The following SLC5A1 variants were observed in gnomAD, a reference collection of about 807,000 sequenced individuals.
SLC5A1 encodes the protein sodium/glucose cotransporter 1.
A neutral mutation model predicts 73.5 loss-of-function variants in SLC5A1; 42 were observed. The observed-to-expected ratio is 0.57, with a 90% confidence interval of 0.45 to 0.74. The LOEUF is 0.74. Among genes scored for constraint, SLC5A1 ranks in the 30% least tolerant of loss-of-function variants. SLC5A1 has a pLI of 0.00. For synonymous variants in SLC5A1, 300 were observed against 317.4 expected, an observed-to-expected ratio of 0.95 and a Z score of 0.58; for missense variants, 634 against 855.4, an observed-to-expected ratio of 0.74 and a Z score of 3.23.
intron 1 of SLC5A1, 41 bp from the exon 2 acceptor site, chr22:32,049,902 C>G (rs1282294216): frequency 3.9e-6 from 6 of 1,556,900 alleles, no homozygotes; most frequent in Admixed American, 1.7e-5. Context: ...CAAGGCCACT[C>G]TTCTAGTTTT....
chr22:32,071,244 G>T (rs1411484776), intron 5 of SLC5A1, among the ~76,000 whole-genome samples: 1 of 152,170 alleles, frequency 6.6e-6, no homozygotes, highest in African/African-American at 2.4e-5. Flanking sequence ...GTGAGACCAG[G>T]AGTTTAAGAT....
At chr22:32,056,674 C>T (rs1237984319) in intron 2 of SLC5A1, among the ~76,000 whole-genome samples, 1 of 152,044 alleles carries the variant, frequency 6.6e-6, no homozygotes, top group Non-Finnish European at 1.5e-5. Context: ...CTGGGATCTC[C>T]CGATATCCCT....
At chr22:32,047,437 T>G (rs959713447) in intron 1 of SLC5A1, among the ~76,000 whole-genome samples, 1 of 117,448 alleles carries the variant, frequency 8.5e-6, no homozygotes, top group Non-Finnish European at 1.8e-5. Context: ...CCTTGGTCAG[T>G]TGCTACAGAC....
chr22:32,092,426 T>G (rs2094019503), intron 11 of SLC5A1, among the ~76,000 whole-genome samples: 1 of 152,206 alleles, frequency 6.6e-6, no homozygotes, highest in South Asian at 2.1e-4. Flanking sequence ...TGCAAACATC[T>G]TTTTTGTATA....
chr22:32,094,904 G>C (rs564581716), intron 11 of SLC5A1, among the ~76,000 whole-genome samples: 1 of 151,134 alleles, frequency 6.6e-6, no homozygotes, highest in South Asian at 2.1e-4. Flanking sequence ...GTTTGTTCTT[G>C]TTCCTCTAGT....
In SLC5A1 at chr22:32,092,761, G is replaced by A. The variant is rs771507491; in HGVS notation, c.1280+999G>A. On this transcript the variant is annotated intron_variant, in intron 11 of 14. Transcript: ENST00000266088. ...TTTTCTGCCACTGTGTGGGTTGCCC[G>A]TTTACTCTGCTAACTGTTCCTTTTG... Among the ~76,000 whole-genome samples, 57 of 152,234 alleles carry A rather than the reference G, an allele frequency of 3.7e-4. 1 individual carries two copies. The highest frequency in any genetic ancestry group is 9.6e-4 in the East Asian group (5 of 5,186).
chr22:32,087,699 A>C (rs982990283), intron 10 of SLC5A1, among the ~76,000 whole-genome samples: 33 of 152,284 alleles, frequency 2.2e-4, no homozygotes, highest in African/African-American at 7.7e-4. Context: ...GGCTCAAGGG[A>C]TACAAATCTG....
chr22:32,105,879 C>A (rs2094044794), intron 14 of SLC5A1, among the ~76,000 whole-genome samples: 1 of 152,146 alleles, frequency 6.6e-6, no homozygotes, highest in South Asian at 2.1e-4. Context: ...ACATAATGAT[C>A]TCCAGTTCCA....
At chr22:32,049,147 A>C (rs1336613664) in intron 1 of SLC5A1, among the ~76,000 whole-genome samples, 1 of 137,718 alleles carries the variant, frequency 7.3e-6, no homozygotes, top group African/African-American at 2.6e-5. Flanking sequence ...TATATATATA[A>C]TCTATATTAT....
intron 5 of SLC5A1, 42 bp from the exon 6 acceptor site, chr22:32,081,821 AGCT>A (rs781600176): frequency 8.1e-7 from 1 of 1,239,620 alleles, no homozygotes; most frequent in South Asian, 1.2e-5. Context: ...CCCTGTAGGC[AGCT>A]GACCACTCTC....
chr22:32,100,988 C>T (rs989019220), intron 12 of SLC5A1, among the ~76,000 whole-genome samples: 1 of 152,092 alleles, frequency 6.6e-6, no homozygotes, highest in Non-Finnish European at 1.5e-5. Context: ...AGAAAGGGTG[C>T]ACCCACCCTG....
chr22:32,049,162 AATCTATATCTATATCTAT>A (rs35964250), intron 1 of SLC5A1, among the ~76,000 whole-genome samples: 8,024 of 128,910 alleles, frequency 0.062, 699 homozygotes, highest in African/African-American at 0.19. Context: ...TATTATATAT[AATCTATATCTATATCTAT>A]ATCTATATCT....
chr22:32,047,008 G>T (rs1263620536), intron 1 of SLC5A1, among the ~76,000 whole-genome samples: 1 of 152,164 alleles, frequency 6.6e-6, no homozygotes, highest in African/African-American at 2.4e-5. Context: ...TTAAAAATTT[G>T]TAATATGGTA....
chr22:32,090,020 T>C (rs1301120702), intron 10 of SLC5A1, among the ~76,000 whole-genome samples: 9 of 151,804 alleles, frequency 5.9e-5, no homozygotes, highest in African/African-American at 2.2e-4. Flanking sequence ...AAGGTATCCC[T>C]GTTTAACACA....
Position 32,102,167 on chromosome 22 carries a change from T to G in SLC5A1, c.1595T>G (p.Ile532Ser), listed in dbSNP as rs1412953433. 6.2e-7 allele frequency: 1 copy of G among 1,614,114 alleles called. No individual in the cohort carries two copies. The highest frequency in any genetic ancestry group is 1.1e-5 in the South Asian group (1 of 91,076). The change falls in exon 13 of 15, where the codon ATC becomes AGC. Residue 532 changes from isoleucine (I) to serine (S), a missense_variant. Ile to Ser is a moderately radical substitution (Grantham distance 142). Around this residue, in one of 3 missense-constraint regions of SLC5A1, gnomAD observed 161 missense variants for 178.7 expected, o/e 0.90. Coordinates refer to ENST00000266088, the MANE Select transcript of SLC5A1 (RefSeq NM_000343.4). ...GTGCACTACTTGTACTTTGCCATTA[T>G]CCTCTTCGCCATTTCTTTCATCACC... is the stretch of plus-strand genomic sequence containing the variant. ...CGVHYLYFAIILFAISFITIV... is the reference protein window; with the variant it reads ...CGVHYLYFAISLFAISFITIV...
intron 11 of SLC5A1, among the ~76,000 whole-genome samples, chr22:32,093,588 C>CT (rs557285566): frequency 0.057 from 8,430 of 146,664 alleles, 258 homozygotes; most frequent in Non-Finnish European, 0.069. Flanking sequence ...CTCTCTCTTT[C>CT]TTTTTTTTTT....
chr22:32,072,800 C>T, intron 5 of SLC5A1, among the ~76,000 whole-genome samples: 1 of 151,824 alleles, frequency 6.6e-6, no homozygotes, highest in African/African-American at 2.4e-5. Flanking sequence ...TGTAGGTCTT[C>T]AGCCTACTAC....
chr22:32,076,185 T>C lies in SLC5A1; in HGVS notation c.478-5681T>C, dbSNP rs73391045. Among the ~76,000 whole-genome samples the C allele has an allele frequency of 5.7e-3, 870 of 152,332 alleles. 4 individuals carry two copies. Among genetic ancestry groups the C allele is most frequent in the African/African-American group, 0.015 (634 of 41,582 alleles). The stretch of plus-strand genomic sequence containing the variant: ...AGAGAGGAGAAAGTACAGGGCATTG[T>C]AGGTGCAGAGCCCAGATGTGGCCCA... On this transcript the variant is annotated intron_variant, in intron 5 of 14. Transcript: ENST00000266088.
chr22:32,044,428 T>C (rs977664930), intron 1 of SLC5A1, among the ~76,000 whole-genome samples: 6 of 152,126 alleles, frequency 3.9e-5, no homozygotes, highest in Non-Finnish European at 8.8e-5. Flanking sequence ...AGCTGGTGAT[T>C]GTGTTGAACT....
Sources: allele counts gnomAD v4.1 joint callset (sites outside exome capture counted in the v4.1 genomes callset), GRCh38; gene constraint gnomAD v4.1.1; regional missense constraint gnomAD v4.1.1; transcripts MANE v1.5; gene names NCBI Gene and HGNC (gene_info 2026-07-23, HGNC 2026-07-21).